The following SLC9A9 variants were observed in gnomAD, a reference collection of about 807,000 sequenced individuals.
The protein encoded by SLC9A9 is sodium/hydrogen exchanger 9.
A neutral mutation model predicts 77.8 loss-of-function variants in SLC9A9; 62 were observed. The observed-to-expected ratio is 0.80, with a 90% CI of 0.65 to 0.98. The LOEUF is 0.98. Among genes scored for constraint, SLC9A9 ranks in the 50% least tolerant of loss-of-function variants. The pLI, the probability that SLC9A9 is intolerant of heterozygous loss-of-function variation, is 0.00. For missense variants in SLC9A9, 775 were observed against 774.9 expected, an observed-to-expected ratio of 1.00 and a Z score of 0.00; for synonymous variants, 320 against 283.5, an observed-to-expected ratio of 1.13 and a Z score of -1.29.
At chr3:143,822,445 T>A (rs745861763) in intron 2 of SLC9A9, among the ~76,000 whole-genome samples, 4 of 151,434 alleles carry the variant, frequency 2.6e-5, no homozygotes, top group Non-Finnish European at 5.9e-5. Flanking sequence ...TGATCAGAAA[T>A]GGATGTGAAG....
chr3:143,382,065 G>A lies in SLC9A9; in HGVS notation c.1519C>T (p.His507Tyr), dbSNP rs2033316890. The change falls in exon 13 of 16, where the codon CAC (histidine) becomes TAC (tyrosine). Residue 507 changes from histidine to tyrosine, a missense_variant. His to Tyr is a moderately conservative substitution (Grantham distance 83). Coordinates refer to ENST00000316549, the MANE Select transcript of SLC9A9 (RefSeq NM_173653.4). ...CATTGGTTTCTTTGACTTGCCTGGT[G>A]TTGTGAGGAGGGGTCCTCCTTCAGA... ...ENLKEDPSSQ[H>Y]QEANNLDKNM... The A allele has an allele frequency of 6.2e-7, 1 of 1,614,124 alleles. No individual in the cohort carries two copies. Among genetic ancestry groups the A allele is most frequent in the Admixed American group, 1.7e-5 (1 of 60,022 alleles).
intron 14 of SLC9A9, among the ~76,000 whole-genome samples, chr3:143,287,943 G>C (rs760162430): frequency 6.6e-6 from 1 of 152,128 alleles, no homozygotes; most frequent in African/African-American, 2.4e-5. Context: ...GTAGATTCTG[G>C]TCTGTAGAGA....
chr3:143,807,372 T>A (rs2008748939), intron 2 of SLC9A9, among the ~76,000 whole-genome samples: 1 of 152,212 alleles, frequency 6.6e-6, no homozygotes. Context: ...TGAGCCAGTA[T>A]AACAAAAGAA....
At chr3:143,502,928 GT>G (rs1252906519) in intron 9 of SLC9A9, among the ~76,000 whole-genome samples, 1 of 152,182 alleles carries the variant, frequency 6.6e-6, no homozygotes, top group Admixed American at 6.5e-5. Context: ...ATACTATTAA[GT>G]ATATCCATAG....
intron 14 of SLC9A9, among the ~76,000 whole-genome samples, chr3:143,359,691 C>T (rs376297568): frequency 1.6e-4 from 24 of 152,242 alleles, no homozygotes; most frequent in African/African-American, 5.5e-4. Context: ...CCCATACCTC[C>T]CACTCCACAA....
intron 14 of SLC9A9, among the ~76,000 whole-genome samples, chr3:143,359,356 A>T (rs1002031671): frequency 6.6e-6 from 1 of 152,158 alleles, no homozygotes; most frequent in Non-Finnish European, 1.5e-5. Context: ...AACAAAGTCC[A>T]TTCTGTGTCG....
At chr3:143,784,904 AG>A (rs937548241) in intron 4 of SLC9A9, among the ~76,000 whole-genome samples, 1 of 152,100 alleles carries the variant, frequency 6.6e-6, no homozygotes, top group African/African-American at 2.4e-5. Context: ...GATGCCAGAG[AG>A]CTCTCTCATC....
intron 4 of SLC9A9, among the ~76,000 whole-genome samples, chr3:143,735,898 G>A (rs1477849832): frequency 6.6e-6 from 1 of 152,144 alleles, no homozygotes; most frequent in Non-Finnish European, 1.5e-5. Flanking sequence ...TTTTTCAATG[G>A]TAATTGTAAC....
chr3:143,292,405 T>C (rs1163523717), intron 14 of SLC9A9, among the ~76,000 whole-genome samples: 1 of 152,176 alleles, frequency 6.6e-6, no homozygotes, highest in African/African-American at 2.4e-5. Context: ...GATGAATAAA[T>C]TGAGTATCAG....
intron 4 of SLC9A9, 59 bp downstream of exon 4, chr3:143,794,942 C>A: frequency 2.8e-6 from 4 of 1,416,118 alleles, no homozygotes; most frequent in Non-Finnish European, 4.0e-6. Context: ...GTGTTAGATC[C>A]CTCACACAGA....
chr3:143,464,674 A>C (rs905879200), intron 12 of SLC9A9, among the ~76,000 whole-genome samples: 1 of 152,170 alleles, frequency 6.6e-6, no homozygotes, highest in African/African-American at 2.4e-5. Context: ...TGGCCCTGGG[A>C]CCAGCAACAG....
chr3:143,404,368 C>T (rs188886076), intron 12 of SLC9A9, among the ~76,000 whole-genome samples: 32 of 152,090 alleles, frequency 2.1e-4, no homozygotes, highest in African/African-American at 7.5e-4. Flanking sequence ...GACAGGTTCT[C>T]ACCATGTTGG....
chr3:143,520,291 G>A (rs974039687), intron 9 of SLC9A9, among the ~76,000 whole-genome samples: 2 of 152,182 alleles, frequency 1.3e-5, no homozygotes, highest in Non-Finnish European at 2.9e-5. Context: ...ATGAGACAAA[G>A]CCCTTATTAT....
chr3:143,317,548 C>T (rs2031256281), intron 14 of SLC9A9, among the ~76,000 whole-genome samples: 1 of 152,176 alleles, frequency 6.6e-6, no homozygotes, highest in Non-Finnish European at 1.5e-5. Context: ...ACACTTTCCA[C>T]CCTTGTTTTT....
At chr3:143,544,470 G>A (rs1252662507) in intron 9 of SLC9A9, among the ~76,000 whole-genome samples, 2 of 151,946 alleles carry the variant, frequency 1.3e-5, no homozygotes, top group Non-Finnish European at 2.9e-5. Context: ...CTCGTGATCC[G>A]CCCGCCTCGG....
intron 8 of SLC9A9, among the ~76,000 whole-genome samples, chr3:143,566,037 A>G (rs1253231289): frequency 6.6e-6 from 1 of 152,122 alleles, no homozygotes; most frequent in Non-Finnish European, 1.5e-5. Flanking sequence ...TTTGAAAACA[A>G]TTTTTGCCCA....
rs1354019291 is a variant in SLC9A9, at chr3:143,449,717, TATAATTATATAAA to T, written c.1469+17307_1469+17319del. On this transcript the variant is annotated intron_variant, in intron 12 of 15. Transcript: ENST00000316549. The stretch of plus-strand genomic sequence containing the variant: ...AATTATATTATATAATTATATAAAA[TATAATTATATAAA>T]ATAATTATATAAAATAAAAATTATA... 1.9e-4 allele frequency among the ~76,000 whole-genome samples: 13 copies of T among 69,040 alleles called. 3 individuals carry two copies. The highest frequency in any genetic ancestry group is 3.1e-4 in the African/African-American group (5 of 16,054). The allele number at this position is 69,040 out of a possible 152,430, so 45.3% of individuals were successfully genotyped here.
Position 143,552,725 on chromosome 3 carries a change from A to T in SLC9A9, c.1001-275T>A, listed in dbSNP as rs192917992. Among the ~76,000 whole-genome samples the T allele has an allele frequency of 2.8e-4, 42 of 152,326 alleles. 1 individual carries two copies. In the East Asian group the frequency reaches 6.6e-3, roughly 24 times the overall value. ...CCTGGAGATAAACGGGTCCCTGTTCATGAGCTAGAAAAGTTATATTTGAAA... is the reference window on the plus strand; with the variant it reads ...CCTGGAGATAAACGGGTCCCTGTTCTTGAGCTAGAAAAGTTATATTTGAAA... On this transcript the variant is annotated intron_variant, in intron 8 of 15. Coordinates refer to ENST00000316549, the MANE Select transcript of SLC9A9 (RefSeq NM_173653.4).
chr3:143,754,053 T>C (rs945606005), intron 4 of SLC9A9, among the ~76,000 whole-genome samples: 1 of 152,136 alleles, frequency 6.6e-6, no homozygotes, highest in African/African-American at 2.4e-5. Flanking sequence ...GGCCCAGCCA[T>C]CTCTAGAGTT....
Sources: gnomAD v4.1 joint callset for allele counts (sites outside exome capture counted in the v4.1 genomes callset) on GRCh38, gnomAD v4.1.1 for gene constraint, MANE v1.5 for transcripts, NCBI Gene and HGNC (gene_info 2026-07-23, HGNC 2026-07-21) for gene names.